Variants in COL5A2 observed in about 807,000 individuals in gnomAD.
COL5A2 encodes the protein collagen type V alpha 2 chain.
COL5A2 carries 23 observed loss-of-function variants against 208.2 expected under a neutral mutation model. The observed-to-expected ratio is 0.11, with a 90% confidence interval of 0.08 to 0.16. The LOEUF is 0.16. COL5A2 is among the 10% of genes least tolerant of loss of function. COL5A2 has a pLI of 1.00. For synonymous variants in COL5A2, 625 were observed against 628.5 expected, an observed-to-expected ratio of 0.99 and a Z score of 0.08; for missense variants, 1,590 against 1,956.4, an observed-to-expected ratio of 0.81 and a Z score of 3.53.
At chr2:189,058,811 T>C in intron 32 of COL5A2, 38 bp downstream of exon 32, 1 of 1,592,978 alleles carries the variant, frequency 6.3e-7, no homozygotes, top group Non-Finnish European at 8.6e-7. Flanking sequence ...CTGAAGCCAG[T>C]GGGAAACAAC....
At chr2:189,141,611 C>T (rs958850658) in intron 1 of COL5A2, among the ~76,000 whole-genome samples, 8 of 152,112 alleles carry the variant, frequency 5.3e-5, no homozygotes, top group Non-Finnish European at 1.2e-4. Context: ...ACATGGGTCA[C>T]GTAGTTAATG....
At chr2:189,078,471 T>G in intron 16 of COL5A2, 45 bp downstream of exon 16, 7 of 1,459,296 alleles carry the variant, frequency 4.8e-6, no homozygotes, top group Non-Finnish European at 6.7e-6. Flanking sequence ...GAAAATGAAT[T>G]GAAATACACA....
chr2:189,047,463 T>C (rs1439939398), intron 45 of COL5A2, among the ~76,000 whole-genome samples: 3 of 152,212 alleles, frequency 2.0e-5, no homozygotes, highest in Admixed American at 2.0e-4. Context: ...TGTTTAAACA[T>C]GTCATTTAAT....
chr2:189,318,951 A>T, the COL5A2 span, among the ~76,000 whole-genome samples: 1 of 152,168 alleles, frequency 6.6e-6, no homozygotes, highest in Non-Finnish European at 1.5e-5. Flanking sequence ...ATCATTATAC[A>T]TCTGCACTTC....
intron 17 of COL5A2, among the ~76,000 whole-genome samples, chr2:189,073,244 A>G (rs1050525130): frequency 6.6e-6 from 1 of 151,980 alleles, no homozygotes; most frequent in Non-Finnish European, 1.5e-5. Context: ...TGTTAGCATA[A>G]TTTACCTTGT....
the COL5A2 span, among the ~76,000 whole-genome samples, chr2:189,250,156 A>G: frequency 2.0e-5 from 3 of 152,366 alleles, no homozygotes; most frequent in East Asian, 5.8e-4. Flanking sequence ...TGCTAGGGAA[A>G]TGAAACACAT....
At chr2:189,061,301 T>A (rs1342447474) in intron 30 of COL5A2, among the ~76,000 whole-genome samples, 1 of 152,210 alleles carries the variant, frequency 6.6e-6, no homozygotes, top group Non-Finnish European at 1.5e-5. Flanking sequence ...ATTTTATTCC[T>A]GATATCTTTT....
chr2:189,194,988 T>C (rs1688981613), intron 1 of COL5A2, among the ~76,000 whole-genome samples: 1 of 151,918 alleles, frequency 6.6e-6, no homozygotes, highest in South Asian at 2.1e-4. Flanking sequence ...GGCAAGAAAA[T>C]GAAGTAAAGG....
the COL5A2 span, among the ~76,000 whole-genome samples, chr2:189,283,988 T>A: frequency 6.6e-6 from 1 of 152,142 alleles, no homozygotes; most frequent in African/African-American, 2.4e-5. Flanking sequence ...TTAGCCTAAC[T>A]AGTCAGAATC....
the COL5A2 span, among the ~76,000 whole-genome samples, chr2:189,417,654 CT>C: frequency 0.024 from 3,652 of 152,068 alleles, 157 homozygotes; most frequent in African/African-American, 0.084. Flanking sequence ...TCTATATCAA[CT>C]TTTTTTCATT....
the COL5A2 span, among the ~76,000 whole-genome samples, chr2:189,372,718 T>C: frequency 2.6e-5 from 4 of 152,170 alleles, no homozygotes; most frequent in African/African-American, 9.6e-5. Flanking sequence ...ATAACTCACA[T>C]ACTTAATCAA....
At chr2:189,405,107 T>C in the COL5A2 span, among the ~76,000 whole-genome samples, 1 of 152,194 alleles carries the variant, frequency 6.6e-6, no homozygotes, top group African/African-American at 2.4e-5. Context: ...GAAAGTTCTT[T>C]ATAGGCATTA....
chr2:189,332,838 A>AGTGACT, the COL5A2 span, among the ~76,000 whole-genome samples: 69 of 152,338 alleles, frequency 4.5e-4, no homozygotes, highest in South Asian at 0.014. Context: ...AAAATGTGGA[A>AGTGACT]GTGACTTTGG....
rs200813713 is a variant in COL5A2, at chr2:189,079,927, G to A, written c.960+51C>T. ...TCTGAAAAATGTGTAAACATTTGAAGCAAAACTAAGATGCCAAAGTGAGGT... is the reference window on the plus strand; with the variant it reads ...TCTGAAAAATGTGTAAACATTTGAAACAAAACTAAGATGCCAAAGTGAGGT... On this transcript the variant is annotated intron_variant, in intron 14 of 53. Transcript: ENST00000374866. The A allele has an allele frequency of 2.6e-5, 38 of 1,483,922 alleles. 1 individual carries two copies. Among genetic ancestry groups the A allele is most frequent in the Non-Finnish European group, 3.3e-5 (35 of 1,061,802 alleles). The allele number at this position is 1,483,922 out of a possible 1,614,324, so 91.9% of individuals were successfully genotyped here. A position where few individuals can be genotyped will look rare whatever the true frequency, so the allele number is the denominator to read the frequency against.
chr2:189,038,805 T>C (rs918254896), intron 51 of COL5A2, among the ~76,000 whole-genome samples: 7 of 152,152 alleles, frequency 4.6e-5, no homozygotes, highest in African/African-American at 1.7e-4. Context: ...CTCTCCTGCC[T>C]CAGCCTCCCG....
chr2:189,107,392 T>A (rs1687171937), intron 2 of COL5A2, among the ~76,000 whole-genome samples: 1 of 151,598 alleles, frequency 6.6e-6, no homozygotes, highest in African/African-American at 2.4e-5. Flanking sequence ...TTCTTTCATG[T>A]TGTTTTACTT....
chr2:189,311,756 CCT>C, the COL5A2 span: 43 of 790,596 alleles, frequency 5.4e-5, no homozygotes, highest in Non-Finnish European at 8.3e-5. Flanking sequence ...TTGTCAAGCT[CCT>C]CTCGGTTCTT....
chr2:189,085,700 A>C lies in COL5A2; in HGVS notation c.744+19T>G. 2 of 1,611,396 alleles carry C rather than the reference A, an allele frequency of 1.2e-6. No individual in the cohort carries two copies. The highest frequency in any genetic ancestry group is 2.2e-5 in the South Asian group (2 of 91,046). On this transcript the variant is annotated intron_variant, in intron 10 of 53. Transcript: ENST00000374866. ...TGGACCCAAATGTAACTGGGTCTAC[A>C]TGCTTACTTGACATTTACCATTGGT...
chr2:189,216,768 A>C (rs987067771), intron 1 of COL5A2, among the ~76,000 whole-genome samples: 2 of 152,158 alleles, frequency 1.3e-5, no homozygotes, highest in Admixed American at 6.6e-5. Context: ...GAAAAGTAGT[A>C]ACTAAATAAG....
Sources: gnomAD v4.1 joint callset for allele counts (sites outside exome capture counted in the v4.1 genomes callset) on GRCh38, gnomAD v4.1.1 for gene constraint, MANE v1.5 for transcripts, NCBI Gene and HGNC (gene_info 2026-07-23, HGNC 2026-07-21) for gene names.